Variants in WDR20 observed in about 807,000 individuals in gnomAD.
WDR20 encodes WD repeat domain 20.
WDR20 carries 3 observed loss-of-function variants against 38.7 expected under a neutral mutation model. The ratio of observed to expected loss-of-function variants is 0.08; its 90% CI spans 0.04 to 0.20. The LOEUF (loss-of-function observed/expected upper bound fraction) is 0.20. Among genes scored for constraint, WDR20 ranks in the 10% least tolerant of loss-of-function variants. WDR20 has a pLI of 1.00. For missense variants in WDR20, 559 were observed against 727.7 expected (o/e 0.77, Z 2.67); for synonymous variants, 298 against 285.6 (o/e 1.04, Z -0.44).
At chr14:102,196,248 CTGAGT>C (rs889058452) in intron 2 of WDR20, among the ~76,000 whole-genome samples, 1 of 151,176 alleles carries the variant, frequency 6.6e-6, no homozygotes, top group Admixed American at 6.6e-5. Context: ...CTAGTTTCCT[CTGAGT>C]TGACTGGAAA....
chr14:102,203,604 C>T (rs1277691310), intron 2 of WDR20, among the ~76,000 whole-genome samples: 1 of 152,150 alleles, frequency 6.6e-6, no homozygotes, highest in Non-Finnish European at 1.5e-5. Flanking sequence ...GCCTGGATCC[C>T]CACCCCCCTG....
At chr14:102,224,362 G>C (rs887916000), downstream of WDR20, 6 of 345,554 alleles carry the variant, frequency 1.7e-5, no homozygotes, top group South Asian at 6.9e-5. Context: ...TTTCTTACTT[G>C]GTTGAAACCA....
chr14:102,160,601 A>G (rs1325812901), intron 1 of WDR20, among the ~76,000 whole-genome samples: 1 of 152,030 alleles, frequency 6.6e-6, no homozygotes, highest in East Asian at 1.9e-4. Flanking sequence ...GATGTACCAT[A>G]ATTTATTTGA....
At chr14:102,212,513 T>A, downstream of WDR20, 1 of 1,535,826 alleles carries the variant, frequency 6.5e-7, no homozygotes. Context: ...GCCCCTTTCT[T>A]TGACAGCCGG....
chr14:102,184,282 C>T (rs1427632252), intron 1 of WDR20, among the ~76,000 whole-genome samples: 1 of 152,154 alleles, frequency 6.6e-6, no homozygotes, highest in African/African-American at 2.4e-5. Context: ...GGAGATCTAA[C>T]CTTCCGTGGA....
Position 102,158,797 on chromosome 14 carries a change from C to G in WDR20, c.249+18625C>G, listed in dbSNP as rs576905828. Among the ~76,000 whole-genome samples the G allele has an allele frequency of 1.8e-4, 28 of 152,194 alleles. 1 individual carries two copies. The South Asian group carries it at 5.4e-3, about 29-fold the overall frequency. On this transcript the variant is annotated intron_variant, in intron 1 of 2. Coordinates refer to ENST00000342702, the MANE Select transcript of WDR20 (RefSeq NM_144574.4). Reference sequence around the variant, plus strand: ...TCTATTTTTAAGGAAGAGCTCTGCCCCTGTCTAAAGTCACCTCCCCGACTC... The same window carrying G: ...TCTATTTTTAAGGAAGAGCTCTGCCGCTGTCTAAAGTCACCTCCCCGACTC...
chr14:102,170,314 C>T (rs2060558611), intron 1 of WDR20, among the ~76,000 whole-genome samples: 3 of 152,084 alleles, frequency 2.0e-5, no homozygotes, highest in Admixed American at 2.0e-4. Flanking sequence ...CATCATTTTG[C>T]CTTGTTGCTA....
At chr14:102,212,690 G>A (rs1214745669), downstream of WDR20, 1 of 1,503,838 alleles carries the variant, frequency 6.6e-7, no homozygotes, top group South Asian at 1.2e-5. Context: ...GGGAGGGCCT[G>A]GGGAGGGGTG....
At chr14:102,196,387 A>G (rs1388804447) in intron 2 of WDR20, among the ~76,000 whole-genome samples, 1 of 152,218 alleles carries the variant, frequency 6.6e-6, no homozygotes, top group Non-Finnish European at 1.5e-5. Context: ...CATCTGCAGA[A>G]GTGATTTCTA....
chr14:102,162,196 G>A (rs1011276004), intron 1 of WDR20, among the ~76,000 whole-genome samples: 1 of 152,182 alleles, frequency 6.6e-6, no homozygotes, highest in African/African-American at 2.4e-5. Flanking sequence ...TTCTTTTCTC[G>A]AGACAAGCTC....
downstream of WDR20, among the ~76,000 whole-genome samples, chr14:102,217,393 G>A (rs775966568): frequency 1.3e-5 from 2 of 152,184 alleles, no homozygotes; most frequent in Admixed American, 6.5e-5. Flanking sequence ...GTCTTTCCCC[G>A]GAAGTCTGAA....
chr14:102,218,103 G>C (rs182173149), downstream of WDR20, among the ~76,000 whole-genome samples: 2 of 152,244 alleles, frequency 1.3e-5, no homozygotes, highest in Non-Finnish European at 2.9e-5. Context: ...CTTTGTCCAC[G>C]ATCTCAGGAG....
chr14:102,192,481 C>T (rs2058682553), intron 1 of WDR20, among the ~76,000 whole-genome samples: 1 of 151,980 alleles, frequency 6.6e-6, no homozygotes, highest in East Asian at 1.9e-4. Context: ...GCCTTCTGGC[C>T]CATTTTACCT....
intron 1 of WDR20, among the ~76,000 whole-genome samples, chr14:102,192,975 T>A (rs909322358): frequency 1.3e-5 from 2 of 150,922 alleles, no homozygotes; most frequent in Non-Finnish European, 2.9e-5. Context: ...ACCTAGCTGA[T>A]TTTTTATTTT....
At chr14:102,224,759 C>G (rs1300298048), downstream of WDR20, 1 of 455,934 alleles carries the variant, frequency 2.2e-6, no homozygotes, top group African/African-American at 2.0e-5. Flanking sequence ...AGCAGGGACT[C>G]TGGATCACGG....
downstream of WDR20, chr14:102,213,441 G>A (rs1446854186): frequency 8.1e-6 from 8 of 985,332 alleles, no homozygotes; most frequent in African/African-American, 1.7e-5. Context: ...GTTTTCCTGT[G>A]AACCCTTAGC....
At chr14:102,142,734 G>A (rs181489046) in intron 1 of WDR20, among the ~76,000 whole-genome samples, 24 of 147,784 alleles carry the variant, frequency 1.6e-4, no homozygotes, top group African/African-American at 4.0e-4. Flanking sequence ...GAGATTATAG[G>A]TGTGACCCAC....
intron 1 of WDR20, among the ~76,000 whole-genome samples, chr14:102,188,223 CTT>C (rs749026296): frequency 1.3e-5 from 2 of 152,324 alleles, no homozygotes; most frequent in East Asian, 3.9e-4. Context: ...TCAAGTAAAA[CTT>C]TACCAGGCCT....
chr14:102,174,636 A>G (rs966827765), intron 1 of WDR20, among the ~76,000 whole-genome samples: 1 of 151,768 alleles, frequency 6.6e-6, no homozygotes, highest in Non-Finnish European at 1.5e-5. Flanking sequence ...AGCCAGGATG[A>G]TCTCGATCTC....
Sources: gnomAD v4.1 joint callset for allele counts (sites outside exome capture counted in the v4.1 genomes callset) on GRCh38, gnomAD v4.1.1 for gene constraint, MANE v1.5 for transcripts, NCBI Gene and HGNC (gene_info 2026-07-23, HGNC 2026-07-21) for gene names.